AUNIP: variants seen among roughly 807,000 people sequenced by gnomAD.
AUNIP encodes aurora kinase A- and ninein-interacting protein.
AUNIP carries 16 observed loss-of-function variants against 12.2 expected under a neutral mutation model. The observed-to-expected ratio is 1.31, with a 90% CI of 0.88 to 1.99. The LOEUF (loss-of-function observed/expected upper bound fraction) is 1.99, where lower values mean the gene tolerates loss of function less well. AUNIP is among the 30% of genes most tolerant of loss of function. AUNIP has a pLI of 0.00. For missense variants in AUNIP, 411 were observed against 419.1 expected, an observed-to-expected ratio of 0.98 and a Z score of 0.17; for synonymous variants, 142 against 154.8, an observed-to-expected ratio of 0.92 and a Z score of 0.61.
intron 1 of AUNIP, among the ~76,000 whole-genome samples, chr1:25,843,185 A>ATATATATATATATATAT (rs1364857694): frequency 2.4e-5 from 3 of 124,956 alleles, no homozygotes; most frequent in Non-Finnish European, 3.3e-5. Flanking sequence ...AAAAAAAAAA[A>ATATATATATATATATAT]ATATATATAT....
At chr1:25,841,043 A>G (rs2048343996) in intron 1 of AUNIP, among the ~76,000 whole-genome samples, 1 of 152,254 alleles carries the variant, frequency 6.6e-6, no homozygotes, top group African/African-American at 2.4e-5. Context: ...CTAAGACCTC[A>G]ATTAGCAAAA....
chr1:25,838,017 G>C (rs1445038613), intron 1 of AUNIP, among the ~76,000 whole-genome samples: 6 of 149,946 alleles, frequency 4.0e-5, no homozygotes, highest in Non-Finnish European at 8.9e-5. Flanking sequence ...GAGGCGGGCA[G>C]ATAAGGAGGT....
chr1:25,853,257 G>A (rs190060337), intron 1 of AUNIP, among the ~76,000 whole-genome samples: 1 of 152,276 alleles, frequency 6.6e-6, no homozygotes, highest in East Asian at 1.9e-4. Context: ...CTGTATTAGT[G>A]TTGTATTGCT....
At chr1:25,837,611 A>T in intron 1 of AUNIP, 57 bp from the exon 2 acceptor site, 1 of 1,541,080 alleles carries the variant, frequency 6.5e-7, no homozygotes, top group South Asian at 1.2e-5. Context: ...GACATACAGT[A>T]GAGATTCAGT....
chr1:25,857,886 T>A (rs1013234464), intron 1 of AUNIP, among the ~76,000 whole-genome samples: 1 of 148,280 alleles, frequency 6.7e-6, no homozygotes, highest in Non-Finnish European at 1.5e-5. Context: ...AATAATAATA[T>A]GCCGGGCGCA....
At position 25,835,729 on chromosome 1, in the gene AUNIP, T is replaced by TC. The variant is rs1195816606; in HGVS notation, c.337dup (p.Asp113GlyfsTer40). 1 of 1,614,236 alleles carries TC rather than the reference T, an allele frequency of 6.2e-7. No homozygotes were observed. Among genetic ancestry groups the TC allele is most frequent in the Admixed American group, 1.7e-5 (1 of 60,032 alleles). On this transcript the variant is annotated frameshift_variant, in exon 3 of 3. Coordinates refer to ENST00000374298, the MANE Select transcript of AUNIP (RefSeq NM_024037.3). LOFTEE classifies it low-confidence loss of function (END_TRUNC). Reference sequence around the variant, plus strand: ...AGTGGCTAAAGGGGATGCCATGCAATCGTGTGCTAAGCCTGGGATCAAATG... The same window carrying TC: ...AGTGGCTAAAGGGGATGCCATGCAATCCGTGTGCTAAGCCTGGGATCAAATG...
downstream of AUNIP, among the ~76,000 whole-genome samples, chr1:25,833,638 C>T (rs546432377): frequency 3.4e-3 from 511 of 152,088 alleles, no homozygotes; most frequent in Non-Finnish European, 6.1e-3. Flanking sequence ...GCCTATAGTT[C>T]AGCTACTCGG....
chr1:25,842,191 A>G (rs1481770259), intron 1 of AUNIP, among the ~76,000 whole-genome samples: 4 of 152,248 alleles, frequency 2.6e-5, no homozygotes, highest in South Asian at 4.1e-4. Context: ...GAAGGAAATT[A>G]TAAGTGCCAC....
In AUNIP at chr1:25,834,849, TAC is replaced by T; in HGVS notation, c.*142_*143del. 6.7e-7 allele frequency: 1 copy of T among 1,484,624 alleles called. No individual in the cohort carries two copies. Among genetic ancestry groups the T allele is most frequent in the Non-Finnish European group, 8.9e-7 (1 of 1,125,772 alleles). 92.0% of individuals were successfully genotyped at this position (1,484,624 alleles called of 1,614,324 possible). A position where few individuals can be genotyped will look rare whatever the true frequency, so the allele number is the denominator to read the frequency against. ...CTTAACAATGGTACTGCCCTTTATT[TAC>T]ACAGAGAAGATGCTCAGTAATGACA... On this transcript the variant is annotated 3_prime_UTR_variant, in exon 3 of 3. Transcript: ENST00000374298.
rs752651934 is a variant in AUNIP, at chr1:25,835,033, T to C, written c.1034A>G (p.Gln345Arg). The change falls in exon 3 of 3, where the codon CAG becomes CGG. Residue 345 changes from glutamine (Q) to arginine (R), a missense_variant. Coordinates refer to ENST00000374298, the MANE Select transcript of AUNIP (RefSeq NM_024037.3). ...GATAACTTGATTACCTTCAGAGTCCTGGGTAAAGAGCAAATCAGGCTTCAG... is the reference window on the plus strand; with the variant it reads ...GATAACTTGATTACCTTCAGAGTCCCGGGTAAAGAGCAAATCAGGCTTCAG... ...QNLKPDLLFT[Q>R]DSEGNQVIRH... The C allele has an allele frequency of 6.2e-6, 10 of 1,614,024 alleles. No individual in the cohort carries two copies. The highest frequency in any genetic ancestry group is 5.3e-5 in the African/African-American group (4 of 74,932).
At chr1:25,838,230 C>T (rs1410682371) in intron 1 of AUNIP, among the ~76,000 whole-genome samples, 1 of 151,998 alleles carries the variant, frequency 6.6e-6, no homozygotes, top group Non-Finnish European at 1.5e-5. Flanking sequence ...TAAGGCCAGG[C>T]GTGGTGGCTC....
rs1356780172 is a variant in AUNIP, at chr1:25,847,264, T to G, written c.79-9710A>C. On this transcript the variant is annotated intron_variant, in intron 1 of 2. Coordinates refer to ENST00000374298, the MANE Select transcript of AUNIP (RefSeq NM_024037.3). The surrounding 1 kb of genome is among the most constrained non-coding windows in gnomAD (Gnocchi z 4.2). ...GCTTAAAAAACAGTTGTGTTTTTTT[T>G]GTTTTGTTTTTTTTTGAGACGGAGT... Among the ~76,000 whole-genome samples, 1 of 152,064 alleles carries G rather than the reference T, an allele frequency of 6.6e-6. No individual in the cohort carries two copies.
chr1:25,853,103 T>C (rs949836100), intron 1 of AUNIP, among the ~76,000 whole-genome samples: 11 of 152,228 alleles, frequency 7.2e-5, no homozygotes, highest in Admixed American at 6.5e-4. Context: ...TCTGCTGTTG[T>C]TGGGTAGACT....
At chr1:25,857,624 A>G (rs1056601200) in intron 1 of AUNIP, among the ~76,000 whole-genome samples, 9 of 150,294 alleles carry the variant, frequency 6.0e-5, no homozygotes, top group Non-Finnish European at 8.9e-5. Context: ...GCACTTTGGG[A>G]GGCCGAGACG....
rs1030361652 is a variant in AUNIP at position 25,837,784 on chromosome 1, C to G, written c.79-230G>C. Among the ~76,000 whole-genome samples the G allele has an allele frequency of 2.1e-4, 32 of 152,302 alleles. 1 individual carries two copies. The highest frequency in any genetic ancestry group is 5.8e-4 in the East Asian group (3 of 5,186). On this transcript the variant is annotated intron_variant, in intron 1 of 2. Coordinates refer to ENST00000374298, the MANE Select transcript of AUNIP (RefSeq NM_024037.3). ...CAATGATAGCCCAATCTTTCTGCTTCCCCATGGAAATCAGGCTGACTAAAC... is the reference window on the plus strand; with the variant it reads ...CAATGATAGCCCAATCTTTCTGCTTGCCCATGGAAATCAGGCTGACTAAAC...
chr1:25,842,429 G>GA, intron 1 of AUNIP, among the ~76,000 whole-genome samples: 1 of 152,294 alleles, frequency 6.6e-6, no homozygotes, highest in Non-Finnish European at 1.5e-5. Context: ...GAGGTTGAAG[G>GA]AAAAAAACTG....
At chr1:25,845,795 T>C (rs1432959109) in intron 1 of AUNIP, among the ~76,000 whole-genome samples, 3 of 152,188 alleles carry the variant, frequency 2.0e-5, no homozygotes, top group Non-Finnish European at 4.4e-5. Flanking sequence ...ACAACAGCAA[T>C]AGTGCTGTCA....
chr1:25,838,792 T>A (rs1310535054), intron 1 of AUNIP, among the ~76,000 whole-genome samples: 3 of 152,230 alleles, frequency 2.0e-5, no homozygotes, highest in Admixed American at 6.5e-5. Context: ...TGTTAAAGAA[T>A]GCCTGAGAAG....
At chr1:25,841,089 A>T (rs548066836) in intron 1 of AUNIP, among the ~76,000 whole-genome samples, 6 of 152,340 alleles carry the variant, frequency 3.9e-5, no homozygotes, top group African/African-American at 1.4e-4. Context: ...AGTTGGCAGG[A>T]GCTGAAGGAT....
Sources: gnomAD v4.1 joint callset for allele counts (sites outside exome capture counted in the v4.1 genomes callset) on GRCh38, gnomAD v4.1.1 for gene constraint, Gnocchi (gnomAD v3.1) non-coding constraint, MANE v1.5 for transcripts, NCBI Gene and HGNC (gene_info 2026-07-23, HGNC 2026-07-21) for gene names.